Variants in PAPLN observed in about 807,000 individuals in gnomAD.
PAPLN encodes papilin.
Under a neutral mutation model 159.0 loss-of-function variants are expected in PAPLN, and 146 were observed. That is an observed-to-expected ratio of 0.92 (90% CI 0.80 to 1.05). The LOEUF (loss-of-function observed/expected upper bound fraction) is 1.05. Ranked by LOEUF, PAPLN falls within the 50% of genes least tolerant of loss-of-function variation. The probability of loss-of-function intolerance (pLI) is 0.00; values close to 1 mark genes in which losing one functional copy is unlikely to be tolerated. For missense variants in PAPLN, 1,720 were observed against 1,743.9 expected (o/e 0.99, Z 0.24); for synonymous variants, 734 against 702.9 (o/e 1.04, Z -0.70).
At chr14:73,260,579 GA>G in intron 16 of PAPLN, 129 bp from the exon 17 acceptor site, 1 of 1,224,510 alleles carries the variant, frequency 8.2e-7, no homozygotes, top group Non-Finnish European at 1.1e-6. Context: ...TGCACACGGG[GA>G]CACGTCCTCT....
chr14:73,237,516 C>A lies in PAPLN; in HGVS notation c.-83C>A, dbSNP rs113302670. The A allele has an allele frequency of 0.076, 11,533 of 152,422 alleles. 567 individuals are homozygous for A. Among genetic ancestry groups the A allele is most frequent in the South Asian group, 0.19 (905 of 4,836 alleles). 9.4% of individuals were successfully genotyped at this position (152,422 alleles called of 1,614,324 possible). A position where few individuals can be genotyped will look rare whatever the true frequency, so the allele number is the denominator to read the frequency against. The stretch of plus-strand genomic sequence containing the variant: ...CTGCGGGCGTTCCTTGCGGCCCGGC[C>A]GACCTCGCGGGCTTGGGCCTGGGCG... On this transcript the variant is annotated 5_prime_UTR_variant, in exon 1 of 27. Transcript: ENST00000644200.
At chr14:73,248,104 T>TGTGTGTGC (rs1884788191) in intron 5 of PAPLN, among the ~76,000 whole-genome samples, 1 of 103,526 alleles carries the variant, frequency 9.7e-6, no homozygotes, top group African/African-American at 4.0e-5. Context: ...TGTGTGTGTG[T>TGTGTGTGC]GTGCGCGTGT....
chr14:73,239,969 G>A, intron 2 of PAPLN, 137 bp downstream of exon 2: 3 of 1,412,776 alleles, frequency 2.1e-6, no homozygotes, highest in Admixed American at 2.8e-5. Flanking sequence ...AGCCCGCACC[G>A]CTGAGCTCCC....
At position 73,253,944 on chromosome 14, in the gene PAPLN, C is replaced by T. The variant is rs1349258253; in HGVS notation, c.1285C>T (p.Pro429Ser). 1 of 1,611,816 alleles carries T rather than the reference C, an allele frequency of 6.2e-7. No homozygotes were observed. The highest frequency in any genetic ancestry group is 1.7e-5 in the Admixed American group (1 of 59,980). ...CNLQRCAAWSPEPWGECSVSC... is the reference protein window; with the variant it reads ...CNLQRCAAWSSEPWGECSVSC... ...CCTGCAGCGCTGTGCAGCCTGGAGC[C>T]CGGAGCCCTGGGGAGAGGTCAGGCC... is the stretch of plus-strand genomic sequence containing the variant. Residue 429 changes from proline (P) to serine (S), a missense_variant, in exon 12 of 27, where the codon CCG becomes TCG. Pro to Ser is a moderately conservative substitution (Grantham distance 74). Coordinates refer to ENST00000644200, the MANE Select transcript of PAPLN (RefSeq NM_001365906.3).
chr14:73,242,542 G>GC (rs931335261), intron 2 of PAPLN: 2 of 152,190 alleles, frequency 1.3e-5, no homozygotes, highest in Non-Finnish European at 2.9e-5. Flanking sequence ...GCTGTGTGTG[G>GC]GGGGGGCGGG....
At chr14:73,250,577 G>T (rs1885132441) in intron 6 of PAPLN, among the ~76,000 whole-genome samples, 1 of 152,132 alleles carries the variant, frequency 6.6e-6, no homozygotes, top group Non-Finnish European at 1.5e-5. Flanking sequence ...AGCCACCGGG[G>T]GTTGTCTCTG....
At position 73,263,669 on chromosome 14, in the gene PAPLN, C is replaced by T. The variant is rs545979795; in HGVS notation, c.2748C>T (p.Pro916=). The change falls in exon 20 of 27, where the codon CCC becomes CCT. Residue 916 remains proline (P), a synonymous_variant. Coordinates refer to ENST00000644200, the MANE Select transcript of PAPLN (RefSeq NM_001365906.3). ...GGATTAGCTTGGCAGGTGTGGAGCC[C>T]TCGTTGGTGCAGGCAGCCCTGGGGC... ...SYRISLAGVE[P]SLVQAALGQL... is the part of the protein sequence containing the mutation. 5.6e-6 allele frequency: 9 copies of T among 1,613,744 alleles called. No individual in the cohort carries two copies. The South Asian group carries it at 7.7e-5, about 14-fold the overall frequency.
At chr14:73,260,539 A>T (rs928863370) in intron 16 of PAPLN, among the ~76,000 whole-genome samples, 170 bp from the exon 17 acceptor site, 16 of 99,672 alleles carry the variant, frequency 1.6e-4, no homozygotes, top group East Asian at 5.2e-4. Flanking sequence ...GGATTTAGGC[A>T]GAGATTGCGG....
At chr14:73,252,546 T>A (rs1444640989) in intron 10 of PAPLN, 103 bp from the exon 11 acceptor site, 8 of 1,433,044 alleles carry the variant, frequency 5.6e-6, no homozygotes, top group Admixed American at 2.4e-5. Flanking sequence ...TAAGACTGAA[T>A]GGGGATGACC....
intron 26 of PAPLN, among the ~76,000 whole-genome samples, chr14:73,268,978 A>T (rs1887466673): frequency 6.6e-6 from 1 of 152,190 alleles, no homozygotes; most frequent in South Asian, 2.1e-4. Flanking sequence ...GCCCCTGGAG[A>T]TAGCTTAATA....
Position 73,253,850 on chromosome 14 carries a change from C to T in PAPLN, c.1191C>T (p.Ile397=), listed in dbSNP as rs1457234101. 1.9e-6 allele frequency: 3 copies of T among 1,613,574 alleles called. No homozygotes were observed. The highest frequency in any genetic ancestry group is 8.5e-7 in the Non-Finnish European group (1 of 1,179,974). ...VYCISSDGAG[I]QEAVEEAECA... ...GCATCTCGTCTGACGGGGCCGGCAT[C>T]CAGGAGGCCGTGGAGGAGGCTGAGT... is the stretch of plus-strand genomic sequence containing the variant. The change falls in exon 12 of 27, where the codon ATC becomes ATT. Residue 397 remains isoleucine, a synonymous_variant. Coordinates refer to ENST00000644200, the MANE Select transcript of PAPLN (RefSeq NM_001365906.3).
At chr14:73,255,391 T>A (rs1035284823) in intron 14 of PAPLN, among the ~76,000 whole-genome samples, 11 of 152,216 alleles carry the variant, frequency 7.2e-5, no homozygotes, top group Non-Finnish European at 1.0e-4. Flanking sequence ...TATTCCTCTT[T>A]ATACCCCCAT....
At position 73,245,546 on chromosome 14, in the gene PAPLN, C is replaced by T; in HGVS notation, c.171-90C>T. 1 of 1,405,652 alleles carries T rather than the reference C, an allele frequency of 7.1e-7. No homozygotes were observed. 87.1% of individuals were successfully genotyped at this position (1,405,652 alleles called of 1,614,324 possible). A position where few individuals can be genotyped will look rare whatever the true frequency, so the allele number is the denominator to read the frequency against. ...CACCTTGCTGCTCCCACTGGAGAGT[C>T]CCGCAGAAGTTGGGGCCTGCAGAGA... is the stretch of plus-strand genomic sequence containing the variant. On this transcript the variant is annotated intron_variant, in intron 3 of 26. Coordinates refer to ENST00000644200, the MANE Select transcript of PAPLN (RefSeq NM_001365906.3). This position sits in a 1 kb window ranked among gnomAD's most constrained non-coding sequence, Gnocchi z 4.2.
Position 73,272,636 on chromosome 14 carries a change from A to G in PAPLN, c.3809A>G (p.Gln1270Arg), listed in dbSNP as rs1453243356. The change falls in exon 27 of 27, where the codon CAG (glutamine) becomes CGG (arginine). Residue 1270 changes from glutamine (Q) to arginine (R), a missense_variant. Physicochemically the swap from Gln to Arg is conservative, Grantham distance 43 (BLOSUM62 1). Transcript: ENST00000644200. ...TGCTGTGCCAGCTGTTCACGTTTCC[A>G]GCCTCACGCTCAGCCCATCTGGCAG... ...SFCCASCSRF[Q>R]PHAQPIWQ 3.8e-6 allele frequency: 6 copies of G among 1,588,656 alleles called. No homozygotes were observed. In the South Asian group the frequency reaches 6.7e-5, roughly 18 times the overall value.
At chr14:73,261,795 C>T (rs1053732717) in intron 18 of PAPLN, among the ~76,000 whole-genome samples, 2 of 152,136 alleles carry the variant, frequency 1.3e-5, no homozygotes, top group Non-Finnish European at 2.9e-5. Context: ...GGTCAGGGCT[C>T]GCAGGAGGCA....
chr14:73,265,358 C>T lies in PAPLN; in HGVS notation c.3126-12C>T, dbSNP rs573004028. The T allele has an allele frequency of 1.2e-6, 2 of 1,606,928 alleles. No individual in the cohort carries two copies. Among genetic ancestry groups the T allele is most frequent in the African/African-American group, 1.3e-5 (1 of 75,056 alleles). ...CAAGGGCCCCTCATGCTGTGGGCTGCTTGTTTGGCAGGCTGCGTTTGGACC... is the reference window on the plus strand; with the variant it reads ...CAAGGGCCCCTCATGCTGTGGGCTGTTTGTTTGGCAGGCTGCGTTTGGACC... On this transcript the variant is annotated splice_polypyrimidine_tract_variant and intron_variant, in intron 22 of 26. Coordinates refer to ENST00000644200, the MANE Select transcript of PAPLN (RefSeq NM_001365906.3). This position sits in a 1 kb window ranked among gnomAD's most constrained non-coding sequence, Gnocchi z 4.1.
intron 5 of PAPLN, chr14:73,246,719 C>T (rs1884424207): frequency 6.7e-6 from 1 of 149,050 alleles, no homozygotes; most frequent in African/African-American, 2.5e-5. Context: ...CAGCATGTAC[C>T]TCCCAAGCTC....
intron 2 of PAPLN, among the ~76,000 whole-genome samples, chr14:73,240,359 G>T (rs1279210728): frequency 6.6e-6 from 1 of 152,020 alleles, no homozygotes; most frequent in Non-Finnish European, 1.5e-5. Flanking sequence ...TAGCCCCTAG[G>T]TCCATTGAGC....
rs562890068 is a variant in PAPLN, at chr14:73,257,753, C to CTTTTTT, written c.1628-1203_1628-1198dup. 2.4e-4 allele frequency among the ~76,000 whole-genome samples: 22 copies of CTTTTTT among 91,254 alleles called. 1 individual carries two copies. The highest frequency in any genetic ancestry group is 5.3e-4 in the African/African-American group (13 of 24,668). The allele number at this position is 91,254 out of a possible 152,430, so 59.9% of individuals were successfully genotyped here. The stretch of plus-strand genomic sequence containing the variant: ...GTTTTCATTATCTAGTCTCTTTCTT[C>CTTTTTT]TTTTTTTTTTTTTTTTTTTTTTTTT... On this transcript the variant is annotated intron_variant, in intron 14 of 26. Coordinates refer to ENST00000644200, the MANE Select transcript of PAPLN (RefSeq NM_001365906.3).
Sources: gnomAD v4.1 joint callset for allele counts (sites outside exome capture counted in the v4.1 genomes callset) on GRCh38, gnomAD v4.1.1 for gene constraint, Gnocchi (gnomAD v3.1) non-coding constraint, MANE v1.5 for transcripts, NCBI Gene and HGNC (gene_info 2026-07-23, HGNC 2026-07-21) for gene names.